Variants in RAD51B observed in about 807,000 individuals in gnomAD.
RAD51B encodes DNA repair protein RAD51 homolog 2.
In RAD51B, 38 loss-of-function variants were observed where a neutral mutation model predicts 42.2. That is an observed-to-expected ratio of 0.90 (90% CI 0.70 to 1.18). The LOEUF is 1.18. Ranked by LOEUF, RAD51B falls within the 50% of genes most tolerant of loss-of-function variation. RAD51B has a pLI of 0.00. For missense variants in RAD51B, 373 were observed against 400.7 expected, an observed-to-expected ratio of 0.93 and a Z score of 0.59; for synonymous variants, 154 against 145.2, an observed-to-expected ratio of 1.06 and a Z score of -0.43.
intron 10 of RAD51B, among the ~76,000 whole-genome samples, chr14:68,530,743 G>A (rs1887252447): frequency 6.6e-6 from 1 of 151,972 alleles, no homozygotes; most frequent in African/African-American, 2.4e-5. Context: ...TTCACTGAAA[G>A]AACCATTAAA....
intron 7 of RAD51B, among the ~76,000 whole-genome samples, chr14:68,222,970 T>A (rs1456015373): frequency 6.6e-6 from 1 of 152,196 alleles, no homozygotes; most frequent in Admixed American, 6.5e-5. Flanking sequence ...CAGCTCAGGC[T>A]CTTCTCCTGA....
Position 68,468,143 on chromosome 14 carries a change from A to G in RAD51B, c.958-29A>G, listed in dbSNP as rs34436700. The G allele has an allele frequency of 8.3e-5, 132 of 1,596,772 alleles. 2 individuals are homozygous for G. The South Asian group carries it at 1.1e-3, about 14-fold the overall frequency. On this transcript the variant is annotated intron_variant, in intron 9 of 10. Transcript: ENST00000471583. ...GAGGCCCATCCCTGATCCTTTGACT[A>G]ACCCTAGAAAAATGTGCTTTATGTG... is the stretch of plus-strand genomic sequence containing the variant.
chr14:68,665,221 G>A (rs1893008687), intron 11 of RAD51B, among the ~76,000 whole-genome samples: 1 of 152,276 alleles, frequency 6.6e-6, no homozygotes, highest in African/African-American at 2.4e-5. Context: ...GGCCCCGGAG[G>A]GCAATGCCAT....
intron 7 of RAD51B, among the ~76,000 whole-genome samples, chr14:68,078,845 T>C (rs1049058137): frequency 6.6e-6 from 1 of 151,878 alleles, no homozygotes. Context: ...AAAAAATTAG[T>C]TGGGTGTGAT....
intron 7 of RAD51B, among the ~76,000 whole-genome samples, chr14:68,180,460 G>C (rs1161412736): frequency 6.6e-6 from 1 of 152,076 alleles, no homozygotes; most frequent in Non-Finnish European, 1.5e-5. Flanking sequence ...AGTTGACTTT[G>C]ATAATGAAAA....
chr14:67,978,529 G>A (rs756166394), intron 7 of RAD51B, among the ~76,000 whole-genome samples: 2 of 152,038 alleles, frequency 1.3e-5, no homozygotes, highest in Non-Finnish European at 2.9e-5. Context: ...TACATATCCC[G>A]CTTCCCTTCC....
chr14:67,981,449 G>A (rs1226994013), intron 7 of RAD51B, among the ~76,000 whole-genome samples: 1 of 152,154 alleles, frequency 6.6e-6, no homozygotes, highest in Non-Finnish European at 1.5e-5. Context: ...CTTCAGCCAT[G>A]TCAGTTAGCT....
intron 7 of RAD51B, among the ~76,000 whole-genome samples, chr14:68,133,251 A>G (rs1488359451): frequency 3.9e-5 from 6 of 152,154 alleles, no homozygotes; most frequent in Non-Finnish European, 2.9e-5. Context: ...ATTGGTTTAT[A>G]CTAGGAATTT....
rs1296377929 is a variant in RAD51B at position 68,565,536 on chromosome 14, C to A, written c.1037-28949C>A. On this transcript the variant is annotated intron_variant, in intron 10 of 10. Coordinates refer to the RAD51B transcript ENST00000487270. The surrounding 1 kb of genome is among the most constrained non-coding windows in gnomAD (Gnocchi z 4.1). ...TTACATTGAGGTGGAATCTGCCACT[C>A]CATGACTTTGATTCATTGACCCAGT... is the stretch of plus-strand genomic sequence containing the variant. 1.3e-5 allele frequency among the ~76,000 whole-genome samples: 2 copies of A among 152,158 alleles called. No individual in the cohort carries two copies. The highest frequency in any genetic ancestry group is 1.9e-4 in the East Asian group (1 of 5,198).
intron 7 of RAD51B, among the ~76,000 whole-genome samples, chr14:68,015,453 A>G (rs2075762417): frequency 1.3e-5 from 2 of 152,206 alleles, no homozygotes. Flanking sequence ...TAAAGGAAAG[A>G]GGTTTAATGG....
At chr14:68,521,346 A>G (rs1594938775) in intron 10 of RAD51B, among the ~76,000 whole-genome samples, 1 of 152,200 alleles carries the variant, frequency 6.6e-6, no homozygotes, top group African/African-American at 2.4e-5. Context: ...GGCTGTCTGC[A>G]GGCCAGCCAG....
intron 9 of RAD51B, among the ~76,000 whole-genome samples, chr14:68,465,337 A>T (rs915713139): frequency 6.6e-6 from 1 of 152,072 alleles, no homozygotes; most frequent in African/African-American, 2.4e-5. Context: ...TTATCATCTC[A>T]TCACTGAATT....
chr14:68,482,858 G>T (rs1318261273), downstream of RAD51B, among the ~76,000 whole-genome samples: 1 of 152,158 alleles, frequency 6.6e-6, no homozygotes, highest in African/African-American at 2.4e-5. Context: ...CTAGACATAA[G>T]TCAGGACACA....
At chr14:68,223,168 G>A (rs563378613) in intron 7 of RAD51B, among the ~76,000 whole-genome samples, 33 of 152,292 alleles carry the variant, frequency 2.2e-4, no homozygotes, top group Middle Eastern at 3.4e-3. Flanking sequence ...ATTTTGAGGC[G>A]TAGAAACTTT....
chr14:68,370,707 C>T (rs1329111790), intron 8 of RAD51B, among the ~76,000 whole-genome samples: 2 of 151,996 alleles, frequency 1.3e-5, no homozygotes, highest in African/African-American at 4.8e-5. Context: ...GAAGACATTC[C>T]TTACAAAATC....
intron 11 of RAD51B, among the ~76,000 whole-genome samples, chr14:68,674,011 A>G (rs889603169): frequency 3.3e-5 from 5 of 152,124 alleles, no homozygotes; most frequent in Non-Finnish European, 5.9e-5. Flanking sequence ...ACATCCACAC[A>G]TGTACACATA....
chr14:68,173,806 G>A (rs2078916177), intron 7 of RAD51B, among the ~76,000 whole-genome samples: 2 of 152,204 alleles, frequency 1.3e-5, no homozygotes, highest in Non-Finnish European at 2.9e-5. Context: ...CTTTGAAACA[G>A]TCTTAAGATG....
chr14:68,595,558 T>G, exon 11 of RAD51B: 1 of 1,066,670 alleles, frequency 9.4e-7, no homozygotes, highest in Non-Finnish European at 1.1e-6. Flanking sequence ...CCAATGGCTT[T>G]TAAGGAAGGA....
At chr14:68,658,213 G>A (rs560112243) in intron 11 of RAD51B, among the ~76,000 whole-genome samples, 24 of 152,352 alleles carry the variant, frequency 1.6e-4, no homozygotes, top group African/African-American at 3.8e-4. Context: ...GGACAGCCAC[G>A]TCCCTGGCCT....
Sources: gnomAD v4.1 joint callset for allele counts (sites outside exome capture counted in the v4.1 genomes callset) on GRCh38, gnomAD v4.1.1 for gene constraint, Gnocchi (gnomAD v3.1) non-coding constraint, MANE v1.5 for transcripts, NCBI Gene and HGNC (gene_info 2026-07-23, HGNC 2026-07-21) for gene names.